AIDA: variants seen among roughly 807,000 people sequenced by gnomAD.
AIDA encodes the protein axin interactor, dorsalization-associated protein.
A neutral mutation model predicts 42.7 loss-of-function variants in AIDA; 18 were observed. That is an observed-to-expected ratio of 0.42 (90% CI 0.29 to 0.63). The LOEUF is 0.63. AIDA is among the 20% of genes least tolerant of loss of function. The pLI is 0.19. For missense variants in AIDA, 250 were observed against 354.1 expected (o/e 0.71, Z 2.36); for synonymous variants, 104 against 122.9 (o/e 0.85, Z 1.02).
chr1:222,689,486 T>C (rs1655294310), intron 4 of AIDA, among the ~76,000 whole-genome samples: 1 of 28,806 alleles, frequency 3.5e-5, no homozygotes, highest in African/African-American at 2.4e-4. Flanking sequence ...TGTGTGTATA[T>C]ATATATATAT....
At position 222,687,585 on chromosome 1, in the gene AIDA, T is replaced by C; in HGVS notation, c.353+10A>G. The stretch of plus-strand genomic sequence containing the variant: ...TAAAATAAGAAAACAAATATAAATG[T>C]TTCTTTTACCTTAATGGGACAGGCT... On this transcript the variant is annotated intron_variant, in intron 5 of 9. Coordinates refer to ENST00000340020, the MANE Select transcript of AIDA (RefSeq NM_022831.4). The C allele has an allele frequency of 6.7e-7, 1 of 1,483,936 alleles. No homozygotes were observed. The highest frequency in any genetic ancestry group is 9.1e-7 in the Non-Finnish European group (1 of 1,097,316). The allele number at this position is 1,483,936 out of a possible 1,614,324, so 91.9% of individuals were successfully genotyped here.
chr1:222,679,724 G>A (rs553740979), intron 6 of AIDA, among the ~76,000 whole-genome samples: 21 of 152,238 alleles, frequency 1.4e-4, no homozygotes, highest in African/African-American at 4.8e-4. Flanking sequence ...ACCTCATTTG[G>A]CCATTTCTTC....
intron 7 of AIDA, among the ~76,000 whole-genome samples, chr1:222,674,071 G>C (rs1664502998): frequency 6.6e-6 from 1 of 152,190 alleles, no homozygotes; most frequent in Non-Finnish European, 1.5e-5. Context: ...TGGGCAGTAA[G>C]AGTGAAACTC....
chr1:222,690,690 T>TTCTA (rs1553294529), intron 4 of AIDA, among the ~76,000 whole-genome samples: 1 of 150,090 alleles, frequency 6.7e-6, no homozygotes, highest in Non-Finnish European at 1.5e-5. Flanking sequence ...GTATATAATC[T>TTCTA]TATAATATAT....
chr1:222,707,478 C>A (rs534157352), intron 1 of AIDA, among the ~76,000 whole-genome samples: 1 of 152,186 alleles, frequency 6.6e-6, no homozygotes, highest in Admixed American at 6.5e-5. Flanking sequence ...ACTTTTTAAG[C>A]CGACATGAAA....
intron 1 of AIDA, among the ~76,000 whole-genome samples, chr1:222,707,253 G>T (rs1655863768): frequency 6.6e-6 from 1 of 152,046 alleles, no homozygotes; most frequent in South Asian, 2.1e-4. Context: ...TGTCTCCGGG[G>T]CTCAAGCAAT....
chr1:222,690,713 T>C (rs1655347635), intron 4 of AIDA, among the ~76,000 whole-genome samples: 1 of 151,260 alleles, frequency 6.6e-6, no homozygotes, highest in Non-Finnish European at 1.5e-5. Flanking sequence ...TCTTCATACA[T>C]ATAATCTATA....
intron 2 of AIDA, among the ~76,000 whole-genome samples, chr1:222,700,372 C>A (rs1385538078): frequency 6.6e-6 from 1 of 152,222 alleles, no homozygotes; most frequent in Non-Finnish European, 1.5e-5. Flanking sequence ...AAGGCCACAG[C>A]CAGAGCAAGA....
chr1:222,681,041 T>C (rs909511623), intron 6 of AIDA, among the ~76,000 whole-genome samples: 1 of 152,192 alleles, frequency 6.6e-6, no homozygotes, highest in Admixed American at 6.5e-5. Context: ...AGCTTCTCTA[T>C]TGAGTCTAAA....
At chr1:222,694,052 A>G (rs1315400341) in intron 3 of AIDA, among the ~76,000 whole-genome samples, 158 bp downstream of exon 3, 5 of 152,210 alleles carry the variant, frequency 3.3e-5, no homozygotes, top group Non-Finnish European at 5.9e-5. Context: ...TTTATTTTAC[A>G]ATTTACGAAA....
rs763595530 is a variant in AIDA, at chr1:222,686,370, C to T, written c.460+560G>A. Among the ~76,000 whole-genome samples the T allele has an allele frequency of 6.3e-4, 96 of 152,170 alleles. 1 individual carries two copies. Among genetic ancestry groups the T allele is most frequent in the Non-Finnish European group, 2.5e-4 (17 of 68,036 alleles). ...AACTGTGTGAACAATATGGTTTGTGCTAAACATCTTGTTTCTTCTGTAGTC... is the reference window on the plus strand; with the variant it reads ...AACTGTGTGAACAATATGGTTTGTGTTAAACATCTTGTTTCTTCTGTAGTC... On this transcript the variant is annotated intron_variant, in intron 6 of 9. Transcript: ENST00000340020.
At chr1:222,710,039 C>T (rs886844748) in intron 1 of AIDA, among the ~76,000 whole-genome samples, 2 of 152,210 alleles carry the variant, frequency 1.3e-5, no homozygotes, top group Non-Finnish European at 2.9e-5. Flanking sequence ...CTTCCTCCTT[C>T]TACACCCTCG....
chr1:222,690,038 G>C (rs1173149067), intron 4 of AIDA, among the ~76,000 whole-genome samples: 3 of 152,094 alleles, frequency 2.0e-5, no homozygotes, highest in African/African-American at 7.2e-5. Context: ...ACAGTATTCA[G>C]TACAGTAACA....
chr1:222,693,906 T>C (rs913366965), intron 3 of AIDA, 63 bp from the exon 4 acceptor site: 1 of 1,323,946 alleles, frequency 7.6e-7, no homozygotes, highest in Non-Finnish European at 1.1e-6. Flanking sequence ...CCCTGTCTTT[T>C]AAGTGGCAAG....
intron 4 of AIDA, among the ~76,000 whole-genome samples, chr1:222,689,617 G>GTA (rs1465027682): frequency 7.5e-6 from 1 of 133,088 alleles, no homozygotes; most frequent in African/African-American, 2.8e-5. Flanking sequence ...ACACACACAC[G>GTA]TATATATATT....
chr1:222,711,343 A>G (rs1335547357), intron 1 of AIDA: 1 of 152,196 alleles, frequency 6.6e-6, no homozygotes, highest in Admixed American at 6.5e-5. Flanking sequence ...AGGGCAAGAA[A>G]TTGGTCTTAG....
intron 7 of AIDA, among the ~76,000 whole-genome samples, chr1:222,673,757 A>C (rs1664493031): frequency 6.7e-6 from 1 of 150,046 alleles, no homozygotes; most frequent in South Asian, 2.1e-4. Context: ...CAGCCTGGGC[A>C]AAAGAGCTAG....
Position 222,668,667 on chromosome 1 carries a change from G to A in AIDA, c.*1226C>T, listed in dbSNP as rs1203037167. 9.7e-6 allele frequency: 1 copy of A among 103,364 alleles called. No individual in the cohort carries two copies. The highest frequency in any genetic ancestry group is 1.9e-5 in the Non-Finnish European group (1 of 51,716). 6.4% of individuals were successfully genotyped at this position (103,364 alleles called of 1,614,324 possible). On this transcript the variant is annotated 3_prime_UTR_variant, in exon 10 of 10. Coordinates refer to ENST00000340020, the MANE Select transcript of AIDA (RefSeq NM_022831.4). ...GGGTGATTACACTAGTTTAAAAATA[G>A]GCCAGGTACTGACACTGCATTCCCC...
chr1:222,689,497 A>G (rs1034836870), intron 4 of AIDA, among the ~76,000 whole-genome samples: 1,412 of 66,514 alleles, frequency 0.021, 67 homozygotes, highest in African/African-American at 0.07. Context: ...ATATATATAT[A>G]TATATATATA....
Sources: gnomAD v4.1 joint callset for allele counts (sites outside exome capture counted in the v4.1 genomes callset) on GRCh38, gnomAD v4.1.1 for gene constraint, MANE v1.5 for transcripts, NCBI Gene and HGNC (gene_info 2026-07-23, HGNC 2026-07-21) for gene names.